The following TENT4A variants were observed in gnomAD, a reference collection of about 807,000 sequenced individuals.
TENT4A encodes the protein DNA polymerase kappa.
In TENT4A, 7 loss-of-function variants were observed where a neutral mutation model predicts 72.8. The ratio of observed to expected loss-of-function variants is 0.10; its 90% CI spans 0.05 to 0.18. The LOEUF is 0.18. Among genes scored for constraint, TENT4A ranks in the 10% least tolerant of loss-of-function variants. The pLI is 1.00. For missense variants in TENT4A, 831 were observed against 1,017.7 expected, an observed-to-expected ratio of 0.82 and a Z score of 2.50; for synonymous variants, 456 against 434.3, an observed-to-expected ratio of 1.05 and a Z score of -0.62.
In TENT4A at chr5:6,743,854, C is replaced by T. The variant is rs1263697010; in HGVS notation, c.1245+14C>T. 6.2e-7 allele frequency: 1 copy of T among 1,612,140 alleles called. No individual in the cohort carries two copies. Among genetic ancestry groups the T allele is most frequent in the Admixed American group, 1.7e-5 (1 of 59,706 alleles). ...AGCTTTCTACAGGTATGTATGCTTT[C>T]TTGAGACTGTTTCTGTTGAGACATG... On this transcript the variant is annotated intron_variant, in intron 6 of 12. Coordinates refer to ENST00000230859, the MANE Select transcript of TENT4A (RefSeq NM_006999.6).
rs1329794863 is a variant in TENT4A, at chr5:6,735,919, C to A, written c.717-1591C>A. 3.3e-5 allele frequency among the ~76,000 whole-genome samples: 5 copies of A among 152,208 alleles called. No homozygotes were observed. In the East Asian group the frequency reaches 5.8e-4, roughly 18 times the overall value. Reference sequence around the variant, plus strand: ...GGGACTACAAGCATGTGCCACCACGCCTGGCTAATTTTTTTCTATTTTTAG... The same window carrying A: ...GGGACTACAAGCATGTGCCACCACGACTGGCTAATTTTTTTCTATTTTTAG... On this transcript the variant is annotated intron_variant, in intron 1 of 12. Coordinates refer to ENST00000230859, the MANE Select transcript of TENT4A (RefSeq NM_006999.6).
chr5:6,749,716 G>T (rs370201365), intron 9 of TENT4A, 59 bp downstream of exon 9: 16 of 1,094,240 alleles, frequency 1.5e-5, no homozygotes, highest in South Asian at 8.8e-5. Context: ...TCATGCAGAA[G>T]TGTCTCTATT....
intron 7 of TENT4A, among the ~76,000 whole-genome samples, chr5:6,747,162 G>A (rs964638211): frequency 1.3e-5 from 2 of 152,202 alleles, no homozygotes; most frequent in Non-Finnish European, 2.9e-5. Flanking sequence ...GCGTCTGTTA[G>A]GTGAGATACC....
At chr5:6,726,863 T>C (rs1157819713) in intron 1 of TENT4A, among the ~76,000 whole-genome samples, 1 of 152,186 alleles carries the variant, frequency 6.6e-6, no homozygotes, top group Non-Finnish European at 1.5e-5. Context: ...GGATATAGAC[T>C]GAGGTCGGCC....
intron 1 of TENT4A, among the ~76,000 whole-genome samples, chr5:6,730,495 T>A (rs1298335687): frequency 6.6e-6 from 1 of 152,172 alleles, no homozygotes; most frequent in Non-Finnish European, 1.5e-5. Context: ...GAGTGCGCCC[T>A]CCTCCTCTGT....
chr5:6,751,246 A>T, intron 11 of TENT4A, 49 bp downstream of exon 11: 2 of 1,593,190 alleles, frequency 1.3e-6, no homozygotes, highest in South Asian at 1.1e-5. Context: ...TGGGAACAGC[A>T]TCCGAGCTGT....
intron 4 of TENT4A, among the ~76,000 whole-genome samples, 156 bp from the exon 5 acceptor site, chr5:6,742,334 C>T (rs1325704482): frequency 2.0e-5 from 3 of 152,124 alleles, no homozygotes; most frequent in Non-Finnish European, 4.4e-5. Context: ...GGGAGTCGTC[C>T]TGGGTTCAGG....
In TENT4A at chr5:6,749,601, AC is replaced by A; in HGVS notation, c.1633del (p.Arg545GlyfsTer28). 1 of 1,613,946 alleles carries A rather than the reference AC, an allele frequency of 6.2e-7. No homozygotes were observed. Among genetic ancestry groups the A allele is most frequent in the Non-Finnish European group, 8.5e-7 (1 of 1,179,848 alleles). The part of the protein sequence containing the change: ...IIKVTQEVID[Y>X]RRWIKEKWGS... ...AAAGTAACTCAGGAGGTGATTGACT[AC>A]CGGAGGTGGATCAAAGAGAAGTGGG... On this transcript the variant is annotated frameshift_variant, in exon 9 of 13. Coordinates refer to ENST00000230859, the MANE Select transcript of TENT4A (RefSeq NM_006999.6). LOFTEE classifies it high-confidence loss of function.
In TENT4A at chr5:6,746,445, T is replaced by G. The variant is rs894553397; in HGVS notation, c.1459+18T>G. 1.9e-6 allele frequency: 3 copies of G among 1,612,578 alleles called. No homozygotes were observed. The highest frequency in any genetic ancestry group is 2.5e-6 in the Non-Finnish European group (3 of 1,178,986). ...GCTGCCAGGTAAGGGCGCCCTGATC[T>G]CCACTGCTGAGAGCTGGGCCAGCCT... is the stretch of plus-strand genomic sequence containing the variant. On this transcript the variant is annotated intron_variant, in intron 7 of 12. Coordinates refer to ENST00000230859, the MANE Select transcript of TENT4A (RefSeq NM_006999.6).
At chr5:6,743,424 G>A (rs767565552) in intron 5 of TENT4A, among the ~76,000 whole-genome samples, 7 of 152,124 alleles carry the variant, frequency 4.6e-5, no homozygotes, top group Admixed American at 1.3e-4. Context: ...CAGTGAACGC[G>A]CTGGTCTCTT....
intron 12 of TENT4A, among the ~76,000 whole-genome samples, 153 bp downstream of exon 12, chr5:6,753,190 A>G (rs1051231140): frequency 6.6e-6 from 1 of 152,216 alleles, no homozygotes; most frequent in Admixed American, 6.5e-5. Flanking sequence ...TGTCTTTCCA[A>G]ACAAAACTTA....
rs201903547 is a variant in TENT4A, at chr5:6,737,591, A to G, written c.798A>G (p.Lys266=). The change falls in exon 2 of 13, where the codon AAA becomes AAG. Residue 266 remains lysine (K), a synonymous_variant. Coordinates refer to ENST00000230859, the MANE Select transcript of TENT4A (RefSeq NM_006999.6). The part of the protein sequence containing the change: ...EEAAMRREVV[K]RIETVVKDLW... The stretch of plus-strand genomic sequence containing the variant: ...CAGCTATGAGAAGAGAGGTGGTGAA[A>G]CGGATCGAAACTGTGGTGAAAGACC... 4 of 1,614,176 alleles carry G rather than the reference A, an allele frequency of 2.5e-6. No homozygotes were observed. In the East Asian group the frequency reaches 8.9e-5, roughly 36 times the overall value.
At chr5:6,729,643 A>C (rs184555910) in intron 1 of TENT4A, among the ~76,000 whole-genome samples, 3 of 152,364 alleles carry the variant, frequency 2.0e-5, no homozygotes, top group Non-Finnish European at 4.4e-5. Context: ...GATCGGAGCC[A>C]GCAGATGTGG....
intron 1 of TENT4A, among the ~76,000 whole-genome samples, chr5:6,730,743 C>T (rs1205827695): frequency 7.4e-6 from 1 of 134,878 alleles, no homozygotes; most frequent in Non-Finnish European, 1.6e-5. Context: ...TTCCTTCTTT[C>T]GAGCCTTAAT....
chr5:6,727,918 T>C (rs371978005), intron 1 of TENT4A, among the ~76,000 whole-genome samples: 4 of 152,220 alleles, frequency 2.6e-5, no homozygotes, highest in African/African-American at 9.7e-5. Context: ...CCCATCTGCT[T>C]GCTGTGCTTT....
intron 6 of TENT4A, 87 bp downstream of exon 6, chr5:6,743,927 C>T (rs1741951318): frequency 1.7e-6 from 2 of 1,164,456 alleles, no homozygotes; most frequent in Non-Finnish European, 2.5e-6. Flanking sequence ...TTCCAGCAGC[C>T]TTTGCTCTCC....
At chr5:6,744,992 G>A (rs1742009871) in intron 6 of TENT4A, among the ~76,000 whole-genome samples, 1 of 152,144 alleles carries the variant, frequency 6.6e-6, no homozygotes, top group African/African-American at 2.4e-5. Context: ...GACCCCACAG[G>A]AGGCCACCAC....
intron 1 of TENT4A, 99 bp from the exon 2 acceptor site, chr5:6,737,411 C>A: frequency 8.9e-7 from 1 of 1,121,776 alleles, no homozygotes; most frequent in Non-Finnish European, 1.3e-6. Context: ...AATTTCGTGG[C>A]CAGAAATATG....
intron 1 of TENT4A, among the ~76,000 whole-genome samples, chr5:6,733,945 A>AC (rs752458457): frequency 1.3e-5 from 2 of 152,240 alleles, no homozygotes; most frequent in Non-Finnish European, 2.9e-5. Flanking sequence ...GGCGATTTAA[A>AC]TGGTTTCTGC....
Sources: gnomAD v4.1 joint callset for allele counts (sites outside exome capture counted in the v4.1 genomes callset) on GRCh38, gnomAD v4.1.1 for gene constraint, MANE v1.5 for transcripts, NCBI Gene and HGNC (gene_info 2026-07-23, HGNC 2026-07-21) for gene names.